MYO1G: variants seen among roughly 807,000 people sequenced by gnomAD.
The protein encoded by MYO1G is unconventional myosin-Ig.
A neutral mutation model predicts 115.3 loss-of-function variants in MYO1G; 65 were observed. That is an observed-to-expected ratio of 0.56 (90% CI 0.46 to 0.69). The LOEUF (loss-of-function observed/expected upper bound fraction) is 0.69. MYO1G is among the 30% of genes least tolerant of loss of function. The probability of loss-of-function intolerance (pLI) is 0.00; values close to 1 mark genes in which losing one functional copy is unlikely to be tolerated. For synonymous variants in MYO1G, 510 were observed against 552.6 expected, an observed-to-expected ratio of 0.92 and a Z score of 1.08; for missense variants, 1,204 against 1,393.5, an observed-to-expected ratio of 0.86 and a Z score of 2.16.
chr7:44,964,636 C>T lies in MYO1G; in HGVS notation c.2527-117G>A. ...TATCCTTCATCTCGGGAAACTGAGT[C>T]ACACAGACTTGTGCGTGAGCTGAGC... On this transcript the variant is annotated intron_variant, in intron 18 of 21. Coordinates refer to ENST00000258787, the MANE Select transcript of MYO1G (RefSeq NM_033054.3). The surrounding 1 kb of genome is among the most constrained non-coding windows in gnomAD (Gnocchi z 5.1). The T allele has an allele frequency of 1.1e-6, 1 of 913,446 alleles. No homozygotes were observed. Among genetic ancestry groups the T allele is most frequent in the Non-Finnish European group, 1.8e-6 (1 of 568,550 alleles). The allele number at this position is 913,446 out of a possible 1,614,324, so 56.6% of individuals were successfully genotyped here.
intron 2 of MYO1G, 95 bp from the exon 3 acceptor site, chr7:44,976,752 G>A (rs1795056544): frequency 1.3e-6 from 2 of 1,576,576 alleles, no homozygotes; most frequent in African/African-American, 1.3e-5. Flanking sequence ...GGCAAGATGG[G>A]GTCCTAGGGC....
At position 44,967,881 on chromosome 7, in the gene MYO1G, C is replaced by T; in HGVS notation, c.1649+3G>A. ...CCTATGGTGCCCAGCAAGCCGTGCT[C>T]ACCTGTTGTACAGCAGCCGCTTGAA... is the stretch of plus-strand genomic sequence containing the variant. On this transcript the variant is annotated splice_donor_region_variant and intron_variant, in intron 13 of 21. Transcript: ENST00000258787. The T allele has an allele frequency of 6.2e-7, 1 of 1,613,964 alleles. No homozygotes were observed. The highest frequency in any genetic ancestry group is 8.5e-7 in the Non-Finnish European group (1 of 1,180,022).
At position 44,969,557 on chromosome 7, in the gene MYO1G, C is replaced by T. The variant is rs1158513577; in HGVS notation, c.1504-74G>A. On this transcript the variant is annotated intron_variant, in intron 11 of 21. Transcript: ENST00000258787. The surrounding 1 kb of genome is among the most constrained non-coding windows in gnomAD (Gnocchi z 5.0). ...GTATGAAGGGATAGCCCTGCCTCCC[C>T]ACCTCCAGGGCAGAGAAGGTTGCCA... The T allele has an allele frequency of 6.3e-7, 1 of 1,583,746 alleles. No individual in the cohort carries two copies. Among genetic ancestry groups the T allele is most frequent in the Non-Finnish European group, 8.7e-7 (1 of 1,153,708 alleles).
In MYO1G at chr7:44,976,948, C is replaced by G; in HGVS notation, c.219G>C (p.Glu73Asp). Residue 73 changes from glutamate (E) to aspartate (D), a missense_variant, in exon 2 of 22, where the codon GAG (glutamate) becomes GAC (aspartate). Coordinates refer to ENST00000258787, the MANE Select transcript of MYO1G (RefSeq NM_033054.3). ...CCACAGCATAGAGATGGGGTGGCCGCTCATAGAGCTCACGGCCCTGGTACC... is the reference window on the plus strand; with the variant it reads ...CCACAGCATAGAGATGGGGTGGCCGGTCATAGAGCTCACGGCCCTGGTACC... ...IARYQGRELY[E>D]RPPHLYAVAN... is the part of the protein sequence containing the mutation. The G allele has an allele frequency of 6.2e-7, 1 of 1,613,614 alleles. No homozygotes were observed. The highest frequency in any genetic ancestry group is 8.5e-7 in the Non-Finnish European group (1 of 1,180,030).
chr7:44,963,687 G>T lies in MYO1G; in HGVS notation c.2745+362C>A. 1 of 267,476 alleles carries T rather than the reference G, an allele frequency of 3.7e-6. No homozygotes were observed. The highest frequency in any genetic ancestry group is 6.4e-5 in the South Asian group (1 of 15,504). 16.6% of individuals were successfully genotyped at this position (267,476 alleles called of 1,614,324 possible). A position where few individuals can be genotyped will look rare whatever the true frequency, so the allele number is the denominator to read the frequency against. On this transcript the variant is annotated intron_variant, in intron 20 of 21. Coordinates refer to ENST00000258787, the MANE Select transcript of MYO1G (RefSeq NM_033054.3). The surrounding 1 kb of genome is among the most constrained non-coding windows in gnomAD (Gnocchi z 4.1). ...AGAGCTCGGCAGAAGGTTCCGGAGT[G>T]GCCGGGACGGTATCCCACAGGAGGC...
Position 44,975,207 on chromosome 7 carries a change from G to T in MYO1G, c.585C>A (p.His195Gln). The change falls in exon 5 of 22, where the codon CAC becomes CAA. Residue 195 changes from histidine to glutamine, a missense_variant. By Grantham distance (24) the His-to-Gln change is conservative (BLOSUM62 0). Transcript: ENST00000258787. ...LLEKSRVLKQ[H>Q]VGERNFHAFY... Reference sequence around the variant, plus strand: ...AGGCGTGGAAGTTTCTTTCACCCACGTGCTGCTTGAGGACCCGAGACTGAG... The same window carrying T: ...AGGCGTGGAAGTTTCTTTCACCCACTTGCTGCTTGAGGACCCGAGACTGAG... 6.2e-7 allele frequency: 1 copy of T among 1,614,048 alleles called. No individual in the cohort carries two copies. The highest frequency in any genetic ancestry group is 8.5e-7 in the Non-Finnish European group (1 of 1,179,998).
intron 13 of MYO1G, 62 bp downstream of exon 13, chr7:44,967,822 C>T (rs1794875012): frequency 1.2e-6 from 2 of 1,612,290 alleles, no homozygotes; most frequent in Non-Finnish European, 1.7e-6. Context: ...ATGCCTGACC[C>T]CAGAGTCTCT....
At chr7:44,965,424 G>A (rs1323465045) in intron 17 of MYO1G, among the ~76,000 whole-genome samples, 1 of 152,218 alleles carries the variant, frequency 6.6e-6, no homozygotes, top group East Asian at 1.9e-4. Context: ...TGCAGCCCTG[G>A]ACCTTGAATG....
Position 44,978,893 on chromosome 7 carries a change from C to T in MYO1G, c.69G>A (p.Glu23=), listed in dbSNP as rs777972063. The T allele has an allele frequency of 2.4e-5, 39 of 1,614,082 alleles. No homozygotes were observed. In the South Asian group the frequency reaches 4.0e-4, roughly 16 times the overall value. The change falls in exon 1 of 22, where the codon GAG becomes GAA. Residue 23 remains glutamate (E), a synonymous_variant. Coordinates refer to ENST00000258787, the MANE Select transcript of MYO1G (RefSeq NM_033054.3). ...TGAGCTGCAGGTTCCTCATGAAGTCCTCCATGGTCACTTGGTCCAAAAGCA... is the reference window on the plus strand; with the variant it reads ...TGAGCTGCAGGTTCCTCATGAAGTCTTCCATGGTCACTTGGTCCAAAAGCA... The part of the protein sequence containing the change: ...DFVLLDQVTM[E]DFMRNLQLRF...
At chr7:44,974,581 G>A (rs1795013994) in intron 5 of MYO1G, 1 of 161,772 alleles carries the variant, frequency 6.2e-6, no homozygotes, top group South Asian at 1.7e-4. Context: ...CGGAGTCTGT[G>A]GAAACACTGT....
In MYO1G at chr7:44,966,222, C is replaced by T. The variant is rs756251983; in HGVS notation, c.2008G>A (p.Ala670Thr). 1 of 1,612,366 alleles carries T rather than the reference C, an allele frequency of 6.2e-7. No individual in the cohort carries two copies. The highest frequency in any genetic ancestry group is 2.2e-5 in the East Asian group (1 of 44,842). Residue 670 changes from alanine (A) to threonine (T), a missense_variant, in exon 16 of 22, where the codon GCC becomes ACC. Transcript: ENST00000258787. This position sits in a 1 kb window ranked among gnomAD's most constrained non-coding sequence, Gnocchi z 5.0. ...PNHLLGSDKA[A>T]VSALLEQHGL... is the part of the protein sequence containing the mutation. ...TGCTGCTCCAGGAGAGCGCTCACGGCTGCCTTGTCGGAGCCCAGCAGGTGG... is the reference window on the plus strand; with the variant it reads ...TGCTGCTCCAGGAGAGCGCTCACGGTTGCCTTGTCGGAGCCCAGCAGGTGG...
chr7:44,975,663 G>A lies in MYO1G; in HGVS notation c.399-14C>T. 6.3e-7 allele frequency: 1 copy of A among 1,586,442 alleles called. No individual in the cohort carries two copies. Among genetic ancestry groups the A allele is most frequent in the Non-Finnish European group, 8.6e-7 (1 of 1,161,768 alleles). ...ACGTCCTTGACCCTGTCAGGGCAGA[G>A]GGGCTGGGTCTTAAGGCAAAGACTT... On this transcript the variant is annotated splice_polypyrimidine_tract_variant and intron_variant, in intron 3 of 21. Transcript: ENST00000258787.
chr7:44,973,654 C>T (rs146713132), intron 5 of MYO1G: 1 of 151,002 alleles, frequency 6.6e-6, no homozygotes, highest in African/African-American at 2.4e-5. Flanking sequence ...GGAGCTCCCA[C>T]CTCATGGGGA....
rs201074047 is a variant in MYO1G at position 44,966,888 on chromosome 7, C to T, written c.1783-50G>A. 35 of 1,532,430 alleles carry T rather than the reference C, an allele frequency of 2.3e-5. 1 individual carries two copies. In the African/African-American group the frequency reaches 3.4e-4, roughly 15 times the overall value. The allele number at this position is 1,532,430 out of a possible 1,614,324, so 94.9% of individuals were successfully genotyped here. A position where few individuals can be genotyped will look rare whatever the true frequency, so the allele number is the denominator to read the frequency against. On this transcript the variant is annotated intron_variant, in intron 14 of 21. Transcript: ENST00000258787. This position sits in a 1 kb window ranked among gnomAD's most constrained non-coding sequence, Gnocchi z 5.0. ...GAGGGTCTGCGCCAGCAGCACTGTG[C>T]ACCCTGCCCCACACCAGGGGCTTCC... is the stretch of plus-strand genomic sequence containing the variant.
At position 44,970,580 on chromosome 7, in the gene MYO1G, C is replaced by T. The variant is rs779072051; in HGVS notation, c.1217+12G>A. 41 of 1,610,354 alleles carry T rather than the reference C, an allele frequency of 2.5e-5. No homozygotes were observed. Among genetic ancestry groups the T allele is most frequent in the Non-Finnish European group, 3.4e-5 (40 of 1,179,224 alleles). ...GTGTCAGAGGTGGAGATGTGGCTGGCCAGCCACCCACCTGTTGACGGGAAA... is the reference window on the plus strand; with the variant it reads ...GTGTCAGAGGTGGAGATGTGGCTGGTCAGCCACCCACCTGTTGACGGGAAA... On this transcript the variant is annotated intron_variant, in intron 9 of 21. Transcript: ENST00000258787.
Position 44,966,166 on chromosome 7 carries a change from G to A in MYO1G, c.2064C>T (p.His688=), listed in dbSNP as rs368624656. ...HGLQGDVAFG[H]SKLFIRSPRT... ...GGGGTGAGCGGATGAACAGCTTGCT[G>A]TGGCCAAAGGCCACGTCCCCCTGCA... Residue 688 remains histidine (H), a synonymous_variant, in exon 16 of 22, where the codon CAC becomes CAT. Transcript: ENST00000258787. This position sits in a 1 kb window ranked among gnomAD's most constrained non-coding sequence, Gnocchi z 5.0. 1.9e-6 allele frequency: 3 copies of A among 1,612,852 alleles called. No individual in the cohort carries two copies. In the African/African-American group the frequency reaches 4.0e-5, roughly 22 times the overall value.
Position 44,964,563 on chromosome 7 carries a change from CA to C in MYO1G, c.2527-45del. ...GAGGGGGCGCTGCTTGGGATTGAGT[CA>C]TGGGACCAGACTCAATTGATAGCAG... is the stretch of plus-strand genomic sequence containing the variant. On this transcript the variant is annotated intron_variant, in intron 18 of 21. Transcript: ENST00000258787. The surrounding 1 kb of genome is among the most constrained non-coding windows in gnomAD (Gnocchi z 5.1). The C allele has an allele frequency of 1.3e-6, 2 of 1,481,850 alleles. No individual in the cohort carries two copies. Among genetic ancestry groups the C allele is most frequent in the Non-Finnish European group, 1.9e-6 (2 of 1,060,552 alleles). The allele number at this position is 1,481,850 out of a possible 1,614,324, so 91.8% of individuals were successfully genotyped here. A position where few individuals can be genotyped will look rare whatever the true frequency, so the allele number is the denominator to read the frequency against.
Position 44,963,659 on chromosome 7 carries a change from C to A in MYO1G, c.2745+390G>T. On this transcript the variant is annotated intron_variant, in intron 20 of 21. Coordinates refer to ENST00000258787, the MANE Select transcript of MYO1G (RefSeq NM_033054.3). The surrounding 1 kb of genome is among the most constrained non-coding windows in gnomAD (Gnocchi z 4.1). ...CTGCTAATGAAGGGAGCAAGTAGGC[C>A]ACAGAGCTCGGCAGAAGGTTCCGGA... 1 of 224,768 alleles carries A rather than the reference C, an allele frequency of 4.4e-6. No individual in the cohort carries two copies. The highest frequency in any genetic ancestry group is 8.8e-6 in the Non-Finnish European group (1 of 113,920). 13.9% of individuals were successfully genotyped at this position (224,768 alleles called of 1,614,324 possible).
In MYO1G at chr7:44,963,893, T is replaced by G. The variant is rs1794793089; in HGVS notation, c.2745+156A>C. 1 of 648,264 alleles carries G rather than the reference T, an allele frequency of 1.5e-6. No individual in the cohort carries two copies. Among genetic ancestry groups the G allele is most frequent in the South Asian group, 1.8e-5 (1 of 54,268 alleles). The allele number at this position is 648,264 out of a possible 1,614,324, so 40.2% of individuals were successfully genotyped here. On this transcript the variant is annotated intron_variant, in intron 20 of 21. Transcript: ENST00000258787. This position sits in a 1 kb window ranked among gnomAD's most constrained non-coding sequence, Gnocchi z 4.1. The stretch of plus-strand genomic sequence containing the variant: ...TCACTCTGTGGGCGTGGGAAGCCAC[T>G]GCAGGATTTTCAGCACGGGTGCCAC...
Sources: gnomAD v4.1 joint callset for allele counts (sites outside exome capture counted in the v4.1 genomes callset) on GRCh38, gnomAD v4.1.1 for gene constraint, Gnocchi (gnomAD v3.1) non-coding constraint, MANE v1.5 for transcripts, NCBI Gene and HGNC (gene_info 2026-07-23, HGNC 2026-07-21) for gene names.